Variants in GRM5 observed in about 807,000 individuals in gnomAD.
GRM5 encodes the protein metabotropic glutamate receptor 5.
In GRM5, 19 loss-of-function variants were observed where a neutral mutation model predicts 83.1. The observed-to-expected ratio is 0.23, with a 90% CI of 0.16 to 0.34. The LOEUF is 0.34. Among genes scored for constraint, GRM5 ranks in the 10% least tolerant of loss-of-function variants. GRM5 has a pLI of 1.00. For missense variants in GRM5, 1,160 were observed against 1,588.3 expected (o/e 0.73, Z 4.58); for synonymous variants, 675 against 633.6 (o/e 1.07, Z -0.98).
At position 88,589,318 on chromosome 11, in the gene GRM5, A is replaced by G. The variant is rs148075339; in HGVS notation, c.1690+1283T>C. Reference sequence around the variant, plus strand: ...CTTTGTGTTTAGAACTGGGGAAAACAGGATGAATAAGAGCATCAGAAAGCT... The same window carrying G: ...CTTTGTGTTTAGAACTGGGGAAAACGGGATGAATAAGAGCATCAGAAAGCT... On this transcript the variant is annotated intron_variant, in intron 7 of 9. Coordinates refer to ENST00000305447, the MANE Select transcript of GRM5 (RefSeq NM_001143831.3). 4.5e-4 allele frequency among the ~76,000 whole-genome samples: 68 copies of G among 152,294 alleles called. 3 individuals carry two copies. The East Asian group carries it at 0.013, about 29-fold the overall frequency.
chr11:88,852,795 G>C (rs1033550300), intron 2 of GRM5, among the ~76,000 whole-genome samples: 18 of 152,014 alleles, frequency 1.2e-4, no homozygotes, highest in Non-Finnish European at 2.2e-4. Flanking sequence ...GGGAGACAAA[G>C]AGAATATGTC....
intron 2 of GRM5, among the ~76,000 whole-genome samples, chr11:88,990,339 A>C (rs1219152213): frequency 6.6e-6 from 1 of 151,994 alleles, no homozygotes; most frequent in Non-Finnish European, 1.5e-5. Context: ...GAATAGACCA[A>C]TAACAGGATC....
chr11:88,922,764 G>T (rs1374266715), intron 2 of GRM5, among the ~76,000 whole-genome samples: 1 of 151,922 alleles, frequency 6.6e-6, no homozygotes, highest in Non-Finnish European at 1.5e-5. Context: ...TCACAGCAAA[G>T]GAAATGATCA....
chr11:88,692,073 T>C (rs1305268373), intron 3 of GRM5, among the ~76,000 whole-genome samples: 2 of 152,180 alleles, frequency 1.3e-5, no homozygotes, highest in East Asian at 3.9e-4. Flanking sequence ...CCATTTTCTT[T>C]TGTTTCTTGT....
At chr11:89,048,882 T>C (rs1216689176) in intron 1 of GRM5, among the ~76,000 whole-genome samples, 1 of 152,236 alleles carries the variant, frequency 6.6e-6, no homozygotes, top group Admixed American at 6.5e-5. Flanking sequence ...AACCTCTTGG[T>C]ACCAGAATTT....
chr11:88,954,376 T>C (rs1412975568), intron 2 of GRM5, among the ~76,000 whole-genome samples: 3 of 152,118 alleles, frequency 2.0e-5, no homozygotes, highest in African/African-American at 2.4e-5. Context: ...TGCTAAAGTG[T>C]TTTTGCTTAA....
At chr11:88,546,445 G>A (rs955318090) in intron 8 of GRM5, among the ~76,000 whole-genome samples, 1 of 152,028 alleles carries the variant, frequency 6.6e-6, no homozygotes, top group Non-Finnish European at 1.5e-5. Flanking sequence ...TTAAATTATA[G>A]CTAAAGTTCC....
intron 2 of GRM5, among the ~76,000 whole-genome samples, chr11:88,960,698 T>C (rs946815514): frequency 3.3e-5 from 5 of 152,190 alleles, no homozygotes; most frequent in African/African-American, 9.7e-5. Context: ...TGAGCTGATT[T>C]ATCCTAGATT....
chr11:88,819,196 C>A (rs1451491584), intron 3 of GRM5, among the ~76,000 whole-genome samples: 1 of 152,168 alleles, frequency 6.6e-6, no homozygotes, highest in Non-Finnish European at 1.5e-5. Context: ...AGGCTTGATG[C>A]CATAATTTCT....
intron 3 of GRM5, among the ~76,000 whole-genome samples, chr11:88,756,574 T>C (rs144771460): frequency 0.011 from 1,605 of 152,258 alleles, 32 homozygotes; most frequent in African/African-American, 0.037. Context: ...ATGTAAATGA[T>C]GAATACATAC....
At position 88,507,443 on chromosome 11, in the gene GRM5, G is replaced by A. The variant is rs1229924942; in HGVS notation, c.*1149C>T. The A allele has an allele frequency of 1.3e-5, 2 of 152,176 alleles. No homozygotes were observed. Among genetic ancestry groups the A allele is most frequent in the Non-Finnish European group, 2.9e-5 (2 of 68,042 alleles). 9.4% of individuals were successfully genotyped at this position (152,176 alleles called of 1,614,324 possible). A position where few individuals can be genotyped will look rare whatever the true frequency, so the allele number is the denominator to read the frequency against. On this transcript the variant is annotated 3_prime_UTR_variant, in exon 10 of 10. Coordinates refer to ENST00000305447, the MANE Select transcript of GRM5 (RefSeq NM_001143831.3). ...ATCTCCACTAAGCTGACTTGACACA[G>A]TTAAAATTTTCAGTGTATTAAGATT...
At position 88,571,501 on chromosome 11, in the gene GRM5, G is replaced by C. The variant is rs572815177; in HGVS notation, c.1691-3509C>G. On this transcript the variant is annotated intron_variant, in intron 7 of 9. Coordinates refer to ENST00000305447, the MANE Select transcript of GRM5 (RefSeq NM_001143831.3). ...ATCACTGAATCTTATAATTGAATAAGATCTTAGAGTTTCCAAAAAATGGAT... is the reference window on the plus strand; with the variant it reads ...ATCACTGAATCTTATAATTGAATAACATCTTAGAGTTTCCAAAAAATGGAT... Among the ~76,000 whole-genome samples the C allele has an allele frequency of 2.6e-4, 39 of 152,226 alleles. 2 individuals are homozygous for C. The South Asian group carries it at 6.4e-3, about 25-fold the overall frequency.
At chr11:88,770,478 T>A (rs1942711933) in intron 3 of GRM5, among the ~76,000 whole-genome samples, 1 of 152,138 alleles carries the variant, frequency 6.6e-6, no homozygotes, top group Admixed American at 6.6e-5. Context: ...TATGCTCAAT[T>A]TTTTAGTGAA....
At chr11:88,929,144 A>G (rs1232023588) in intron 2 of GRM5, among the ~76,000 whole-genome samples, 2 of 152,142 alleles carry the variant, frequency 1.3e-5, no homozygotes, top group Admixed American at 6.6e-5. Flanking sequence ...ATTAGAGCCT[A>G]CAATCTACCT....
intron 2 of GRM5, among the ~76,000 whole-genome samples, chr11:89,011,318 T>C (rs1244822188): frequency 6.6e-6 from 1 of 152,180 alleles, no homozygotes; most frequent in Non-Finnish European, 1.5e-5. Flanking sequence ...ATTTTTTTGA[T>C]GGTGGAGGGA....
chr11:88,522,608 T>C (rs1941732976), intron 9 of GRM5, among the ~76,000 whole-genome samples: 1 of 106,806 alleles, frequency 9.4e-6, no homozygotes, highest in Non-Finnish European at 1.8e-5. Context: ...TCTCTCTGTG[T>C]GTGTGTGTGT....
chr11:88,672,918 A>C (rs546589774), intron 3 of GRM5, among the ~76,000 whole-genome samples: 2 of 152,066 alleles, frequency 1.3e-5, no homozygotes, highest in East Asian at 3.9e-4. Flanking sequence ...ATCAAGACAG[A>C]GAAGTTACTG....
chr11:88,947,086 G>C (rs1938305087), intron 2 of GRM5, among the ~76,000 whole-genome samples: 1 of 151,958 alleles, frequency 6.6e-6, no homozygotes, highest in Non-Finnish European at 1.5e-5. Context: ...AAAGAACTAG[G>C]AAACATATTA....
At chr11:88,963,449 C>G (rs1340233784) in intron 2 of GRM5, among the ~76,000 whole-genome samples, 1 of 152,210 alleles carries the variant, frequency 6.6e-6, no homozygotes, top group Non-Finnish European at 1.5e-5. Flanking sequence ...GTAGTGTTTG[C>G]AACATCTGTG....
Sources: gnomAD v4.1 joint callset for allele counts (sites outside exome capture counted in the v4.1 genomes callset) on GRCh38, gnomAD v4.1.1 for gene constraint, MANE v1.5 for transcripts, NCBI Gene and HGNC (gene_info 2026-07-23, HGNC 2026-07-21) for gene names.